Variants in AGBL3 observed in about 807,000 individuals in gnomAD.
AGBL3 encodes cytosolic carboxypeptidase 3.
AGBL3 carries 68 observed loss-of-function variants against 94.5 expected under a neutral mutation model. The ratio of observed to expected loss-of-function variants is 0.72; its 90% CI spans 0.59 to 0.88. The LOEUF (loss-of-function observed/expected upper bound fraction) is 0.88, where lower values mean the gene tolerates loss of function less well. Ranked by LOEUF, AGBL3 falls within the 40% of genes least tolerant of loss-of-function variation. AGBL3 has a pLI of 0.00. For synonymous variants in AGBL3, 354 were observed against 370.7 expected (o/e 0.95, Z 0.52); for missense variants, 934 against 1,103.8 (o/e 0.85, Z 2.18).
Position 135,034,497 on chromosome 7 carries a change from T to G in AGBL3, c.906T>G (p.Thr302=). ...TCYFAHCYPY[T]YTNLQEYLSG... is the part of the protein sequence containing the mutation. The stretch of plus-strand genomic sequence containing the variant: ...ACTTTGCTCATTGCTATCCATACAC[T>G]TACACCAACCTGCAAGAATACCTTT... Residue 302 remains threonine (T), a synonymous_variant, in exon 7 of 17, where the codon ACT becomes ACG. Transcript: ENST00000436302. The G allele has an allele frequency of 6.4e-7, 1 of 1,551,904 alleles. No individual in the cohort carries two copies. The highest frequency in any genetic ancestry group is 1.2e-5 in the South Asian group (1 of 84,060).
At chr7:135,110,587 G>A (rs944621343) in intron 15 of AGBL3, among the ~76,000 whole-genome samples, 2 of 152,138 alleles carry the variant, frequency 1.3e-5, no homozygotes, top group African/African-American at 4.8e-5. Context: ...CTTGGGCAGG[G>A]GAGGCTCTCC....
intron 4 of AGBL3, among the ~76,000 whole-genome samples, chr7:135,016,135 A>G (rs4285426): frequency 0.93 from 141,513 of 152,036 alleles, 66,640 homozygotes; most frequent in Non-Finnish European, 1. Flanking sequence ...TTATTAGTTC[A>G]TTAATTTTGA....
intron 11 of AGBL3, among the ~76,000 whole-genome samples, chr7:135,057,229 T>A (rs977958637): frequency 2.0e-5 from 3 of 152,158 alleles, no homozygotes; most frequent in Admixed American, 6.5e-5. Flanking sequence ...GAAGCAACTT[T>A]ACACCTTTCA....
chr7:135,051,394 C>T (rs1381590472), intron 11 of AGBL3, among the ~76,000 whole-genome samples: 1 of 152,022 alleles, frequency 6.6e-6, no homozygotes, highest in East Asian at 1.9e-4. Flanking sequence ...CAATACAAGA[C>T]CAATTAAATT....
chr7:135,069,870 G>T (rs538909238), intron 12 of AGBL3, among the ~76,000 whole-genome samples: 1 of 143,696 alleles, frequency 7.0e-6, no homozygotes, highest in African/African-American at 2.6e-5. Context: ...AAATAACTAA[G>T]ATCAGAGCAG....
chr7:135,102,007 G>T (rs2348270), intron 15 of AGBL3, among the ~76,000 whole-genome samples: 73,569 of 152,076 alleles, frequency 0.48, 18,173 homozygotes, highest in South Asian at 0.66. Flanking sequence ...CATGTAAGAC[G>T]TGCCTTTTGC....
intron 15 of AGBL3, among the ~76,000 whole-genome samples, chr7:135,088,223 C>T (rs1563251450): frequency 2.0e-5 from 3 of 152,154 alleles, no homozygotes; most frequent in Admixed American, 6.5e-5. Context: ...AAATAAGTTT[C>T]CCGTAGGCAG....
At chr7:135,051,495 C>T (rs987447089) in intron 11 of AGBL3, among the ~76,000 whole-genome samples, 2 of 152,074 alleles carry the variant, frequency 1.3e-5, no homozygotes, top group Admixed American at 1.3e-4. Flanking sequence ...TTTCCTGCAC[C>T]AGAACTGGAA....
chr7:135,124,826 A>G (rs897649227), intron 16 of AGBL3, among the ~76,000 whole-genome samples: 2 of 152,220 alleles, frequency 1.3e-5, no homozygotes, highest in East Asian at 1.9e-4. Context: ...TTAAAGCAGA[A>G]ATCAAGAAGT....
chr7:135,017,124 CCAAGGAAG>C lies in AGBL3; in HGVS notation c.385_392del (p.Lys129TyrfsTer7). 1 of 1,550,516 alleles carries C rather than the reference CCAAGGAAG, an allele frequency of 6.4e-7. No individual in the cohort carries two copies. The highest frequency in any genetic ancestry group is 8.7e-7 in the Non-Finnish European group (1 of 1,145,578). On this transcript the variant is annotated frameshift_variant, in exon 5 of 17. Coordinates refer to ENST00000436302, the MANE Select transcript of AGBL3 (RefSeq NM_178563.4). LOFTEE classifies it high-confidence loss of function. ...GAAACGGAACCCCTTTATCCAGACT[CCAAGGAAG>C]CTACTGTGGTTTATCTAGCTGAAGA...
intron 5 of AGBL3, 29 bp from the exon 6 acceptor site, chr7:135,032,815 A>C: frequency 6.5e-7 from 1 of 1,531,294 alleles, no homozygotes; most frequent in Non-Finnish European, 8.8e-7. Context: ...GTATACCTTG[A>C]CATCTTTATG....
At chr7:135,052,084 C>T (rs1353343892) in intron 11 of AGBL3, among the ~76,000 whole-genome samples, 1 of 152,068 alleles carries the variant, frequency 6.6e-6, no homozygotes, top group Non-Finnish European at 1.5e-5. Flanking sequence ...AGTGTTGATT[C>T]TACCCCATCC....
intron 3 of AGBL3, 73 bp downstream of exon 3, chr7:134,989,383 A>G: frequency 9.5e-7 from 1 of 1,049,746 alleles, no homozygotes; most frequent in Non-Finnish European, 1.4e-6. Context: ...GAGGAAACTA[A>G]AAAGTCAGAT....
intron 4 of AGBL3, among the ~76,000 whole-genome samples, chr7:135,015,439 G>T (rs1813658774): frequency 6.6e-6 from 1 of 152,066 alleles, no homozygotes; most frequent in African/African-American, 2.4e-5. Flanking sequence ...CTAACTGAAT[G>T]CTCACCCTGT....
intron 4 of AGBL3, chr7:135,010,892 A>G (rs1170610821): frequency 6.6e-6 from 1 of 152,192 alleles, no homozygotes; most frequent in African/African-American, 2.4e-5. Context: ...GATGTCAGTT[A>G]TCTCCAAACT....
chr7:134,993,429 A>C, intron 3 of AGBL3, 64 bp from the exon 4 acceptor site: 1 of 1,358,872 alleles, frequency 7.4e-7, no homozygotes, highest in Non-Finnish European at 9.8e-7. Context: ...GAACTATATA[A>C]AAATTACAGG....
At chr7:135,008,523 T>TAA (rs1464144823) in intron 4 of AGBL3, among the ~76,000 whole-genome samples, 1 of 151,842 alleles carries the variant, frequency 6.6e-6, no homozygotes, top group African/African-American at 2.4e-5. Flanking sequence ...GCCTGAACTA[T>TAA]AAAACCCTTA....
intron 12 of AGBL3, among the ~76,000 whole-genome samples, chr7:135,063,997 C>G (rs1266612586): frequency 2.0e-5 from 3 of 152,192 alleles, no homozygotes; most frequent in African/African-American, 7.2e-5. Context: ...CAGCAGCCAG[C>G]TAGGGCATAT....
chr7:135,066,998 G>A, intron 12 of AGBL3, among the ~76,000 whole-genome samples: 1 of 152,186 alleles, frequency 6.6e-6, no homozygotes, highest in Admixed American at 6.5e-5. Flanking sequence ...CAAAGAAAGG[G>A]GTGACAGATG....
Sources: gnomAD v4.1 joint callset for allele counts (sites outside exome capture counted in the v4.1 genomes callset) on GRCh38, gnomAD v4.1.1 for gene constraint, MANE v1.5 for transcripts, NCBI Gene and HGNC (gene_info 2026-07-23, HGNC 2026-07-21) for gene names.